The following TMEM74 variants were observed in gnomAD, a reference collection of about 807,000 sequenced individuals.
TMEM74 encodes transmembrane protein 74.
Under a neutral mutation model 18.1 loss-of-function variants are expected in TMEM74, and 13 were observed. That is an observed-to-expected ratio of 0.72 (90% CI 0.47 to 1.14). TMEM74 has a LOEUF of 1.14. Among genes scored for constraint, TMEM74 ranks in the 50% most tolerant of loss-of-function variants. The probability of loss-of-function intolerance (pLI) is 0.00; values close to 1 mark genes in which losing one functional copy is unlikely to be tolerated. For missense variants in TMEM74, 372 were observed against 375.9 expected, an observed-to-expected ratio of 0.99 and a Z score of 0.09; for synonymous variants, 159 against 146.6, an observed-to-expected ratio of 1.08 and a Z score of -0.61.
intron 1 of TMEM74, among the ~76,000 whole-genome samples, chr8:108,695,948 C>T (rs191474265): frequency 1.3e-5 from 2 of 152,090 alleles, no homozygotes; most frequent in East Asian, 1.9e-4. Context: ...TGTGCTCTGC[C>T]CTCTGCTGTT....
At chr8:108,749,943 C>G (rs983148095) in intron 1 of TMEM74, among the ~76,000 whole-genome samples, 16 of 152,050 alleles carry the variant, frequency 1.1e-4, no homozygotes, top group African/African-American at 3.9e-4. Flanking sequence ...TCAAAGTCTC[C>G]CTGCTTCTCC....
intron 2 of TMEM74, among the ~76,000 whole-genome samples, chr8:108,618,969 G>C (rs571083392): frequency 1.4e-4 from 21 of 152,218 alleles, no homozygotes; most frequent in Admixed American, 2.6e-4. Context: ...GTAAACTGTA[G>C]TCTCCTTTCT....
chr8:108,707,377 C>A (rs1222016915), intron 1 of TMEM74, among the ~76,000 whole-genome samples: 1 of 151,514 alleles, frequency 6.6e-6, no homozygotes, highest in Non-Finnish European at 1.5e-5. Flanking sequence ...AGAAATCTTC[C>A]AAATTACTTG....
chr8:108,655,367 G>C (rs1241260003), exon 2 of TMEM74: 2 of 152,056 alleles, frequency 1.3e-5, no homozygotes, highest in Non-Finnish European at 2.9e-5. Flanking sequence ...GACTTTGGGA[G>C]GCCAGGTTTG....
At chr8:108,749,524 T>G (rs909198113) in intron 1 of TMEM74, among the ~76,000 whole-genome samples, 8 of 152,214 alleles carry the variant, frequency 5.3e-5, no homozygotes, top group African/African-American at 1.7e-4. Context: ...TTGCTGAAGT[T>G]GCCTATCAGC....
intron 1 of TMEM74, among the ~76,000 whole-genome samples, chr8:108,763,875 G>T (rs111554150): frequency 4.6e-5 from 7 of 152,062 alleles, no homozygotes; most frequent in African/African-American, 1.7e-4. Flanking sequence ...AATATTACAG[G>T]TTTCTGATTA....
downstream of TMEM74, among the ~76,000 whole-genome samples, chr8:108,778,396 T>C (rs1814258583): frequency 6.6e-6 from 1 of 152,214 alleles, no homozygotes. Flanking sequence ...CCTTGACTGC[T>C]GACCTGCAAG....
chr8:108,657,859 AATAT>A (rs1175396487), intron 1 of TMEM74, among the ~76,000 whole-genome samples: 572 of 49,750 alleles, frequency 0.011, 18 homozygotes, highest in Non-Finnish European at 0.017. Context: ...AAAAAAAAAA[AATAT>A]ATATATATAT....
At chr8:108,745,573 C>T (rs954234064) in intron 1 of TMEM74, among the ~76,000 whole-genome samples, 2 of 152,054 alleles carry the variant, frequency 1.3e-5, no homozygotes, top group Non-Finnish European at 2.9e-5. Context: ...TATATTAAAG[C>T]ACTTAATAAA....
intron 1 of TMEM74, among the ~76,000 whole-genome samples, chr8:108,705,252 T>C (rs1355393440): frequency 6.6e-6 from 1 of 152,138 alleles, no homozygotes; most frequent in East Asian, 1.9e-4. Context: ...CCTAAAAGTG[T>C]GATGGAAGTC....
intron 1 of TMEM74, among the ~76,000 whole-genome samples, chr8:108,765,560 A>G (rs1038794543): frequency 2.0e-5 from 3 of 151,820 alleles, no homozygotes; most frequent in African/African-American, 7.3e-5. Context: ...GGCACGTGGT[A>G]CCACACCCGG....
At chr8:108,723,886 A>G (rs7820743) in intron 1 of TMEM74, among the ~76,000 whole-genome samples, 63,553 of 152,042 alleles carry the variant, frequency 0.42, 15,999 homozygotes, top group African/African-American at 0.7. Flanking sequence ...AAGCAATTAT[A>G]GATGAACTGT....
intron 2 of TMEM74, among the ~76,000 whole-genome samples, chr8:108,626,166 A>G (rs1447078451): frequency 6.6e-6 from 1 of 151,934 alleles, no homozygotes; most frequent in East Asian, 1.9e-4. Flanking sequence ...TATTACAACT[A>G]TTTTCTACAT....
chr8:108,645,804 C>T (rs1338728772), intron 2 of TMEM74, among the ~76,000 whole-genome samples: 2 of 152,156 alleles, frequency 1.3e-5, no homozygotes, highest in African/African-American at 2.4e-5. Flanking sequence ...TAATTTATCC[C>T]CATCCCCAGG....
downstream of TMEM74, among the ~76,000 whole-genome samples, chr8:108,775,655 A>T (rs905948553): frequency 6.6e-6 from 1 of 152,226 alleles, no homozygotes; most frequent in Non-Finnish European, 1.5e-5. Flanking sequence ...GCTCTTTGAC[A>T]TAAGGCAGCA....
intron 1 of TMEM74, among the ~76,000 whole-genome samples, chr8:108,752,602 C>A (rs113305506): frequency 1.3e-5 from 2 of 152,162 alleles, no homozygotes; most frequent in African/African-American, 2.4e-5. Context: ...AACTAACAAC[C>A]TAATTGCATG....
At chr8:108,786,892 A>T (rs1814392096) in intron 1 of TMEM74, among the ~76,000 whole-genome samples, 1 of 152,018 alleles carries the variant, frequency 6.6e-6, no homozygotes, top group Non-Finnish European at 1.5e-5. Flanking sequence ...GGCCGCCTCT[A>T]CCTCTCTTTA....
intron 1 of TMEM74, among the ~76,000 whole-genome samples, chr8:108,667,004 A>C (rs1429850805): frequency 1.3e-5 from 2 of 152,158 alleles, no homozygotes; most frequent in Non-Finnish European, 2.9e-5. Context: ...AGTTAGGTTC[A>C]TCCTGCTCTC....
intron 1 of TMEM74, among the ~76,000 whole-genome samples, chr8:108,741,121 A>T (rs1288455220): frequency 2.0e-5 from 3 of 152,156 alleles, no homozygotes; most frequent in Non-Finnish European, 4.4e-5. Context: ...TTATAATACA[A>T]AAAAGCAAAA....
Sources: allele counts gnomAD v4.1 joint callset (sites outside exome capture counted in the v4.1 genomes callset), GRCh38; gene constraint gnomAD v4.1.1; transcripts MANE v1.5; gene names NCBI Gene and HGNC (gene_info 2026-07-23, HGNC 2026-07-21).